The following TENM4 variants were observed in gnomAD, a reference collection of about 807,000 sequenced individuals.
TENM4 encodes teneurin-4.
In TENM4, 82 loss-of-function variants were observed where a neutral mutation model predicts 243.3. That is an observed-to-expected ratio of 0.34 (90% CI 0.28 to 0.40). The LOEUF (loss-of-function observed/expected upper bound fraction) is 0.40. Ranked by LOEUF, TENM4 falls within the 10% of genes least tolerant of loss-of-function variation. The pLI is 1.00. For synonymous variants in TENM4, 1,412 were observed against 1,456.3 expected, an observed-to-expected ratio of 0.97 and a Z score of 0.69; for missense variants, 3,138 against 3,673.3, an observed-to-expected ratio of 0.85 and a Z score of 3.77.
At chr11:79,313,158 A>G (rs991829842) in intron 1 of TENM4, among the ~76,000 whole-genome samples, 5 of 152,222 alleles carry the variant, frequency 3.3e-5, no homozygotes, top group African/African-American at 1.2e-4. Flanking sequence ...CAGGCATGCA[A>G]CATTCACTTT....
At chr11:79,079,177 AG>A (rs1342450105) in intron 4 of TENM4, among the ~76,000 whole-genome samples, 1 of 152,226 alleles carries the variant, frequency 6.6e-6, no homozygotes, top group Non-Finnish European at 1.5e-5. Flanking sequence ...GCCTGGCTAC[AG>A]GGACATCCCT....
At chr11:79,386,943 G>A (rs1858127537) in intron 1 of TENM4, among the ~76,000 whole-genome samples, 1 of 152,088 alleles carries the variant, frequency 6.6e-6, no homozygotes, top group African/African-American at 2.4e-5. Flanking sequence ...CAAAAGACAT[G>A]CATAAGAATG....
At chr11:79,317,405 C>T (rs1215219680) in intron 1 of TENM4, among the ~76,000 whole-genome samples, 1 of 152,106 alleles carries the variant, frequency 6.6e-6, no homozygotes, top group Non-Finnish European at 1.5e-5. Flanking sequence ...GGGGTCAGGG[C>T]GCAGACAGGC....
chr11:78,932,354 C>A (rs1403035617), intron 6 of TENM4, among the ~76,000 whole-genome samples: 1 of 152,202 alleles, frequency 6.6e-6, no homozygotes, highest in Non-Finnish European at 1.5e-5. Flanking sequence ...CAGGGGACAG[C>A]AGATACAGGT....
intron 2 of TENM4, among the ~76,000 whole-genome samples, chr11:79,227,493 A>G (rs1864294055): frequency 6.6e-6 from 1 of 152,212 alleles, no homozygotes; most frequent in African/African-American, 2.4e-5. Flanking sequence ...CAGGACAGTG[A>G]ATATGCAAAG....
At chr11:79,384,166 G>A (rs1478418893) in intron 1 of TENM4, among the ~76,000 whole-genome samples, 2 of 152,220 alleles carry the variant, frequency 1.3e-5, no homozygotes, top group African/African-American at 2.4e-5. Context: ...GCTTGTGGAG[G>A]AATGAATAGA....
intron 1 of TENM4, among the ~76,000 whole-genome samples, chr11:79,409,955 T>G (rs147342643): frequency 2.8e-4 from 43 of 152,310 alleles, no homozygotes; most frequent in African/African-American, 1.0e-3. Context: ...TACAGGGGTA[T>G]CCAATCTTTT....
chr11:78,801,657 A>G (rs1857284984), intron 15 of TENM4, among the ~76,000 whole-genome samples: 3 of 152,218 alleles, frequency 2.0e-5, no homozygotes, highest in Admixed American at 2.0e-4. Context: ...GGTGCCAAAC[A>G]GCAAGACACT....
intron 6 of TENM4, among the ~76,000 whole-genome samples, chr11:78,944,909 T>A (rs1470926283): frequency 6.6e-6 from 1 of 152,176 alleles, no homozygotes; most frequent in Admixed American, 6.5e-5. Flanking sequence ...TGAATTGAGG[T>A]CTGTCTGACT....
intron 4 of TENM4, among the ~76,000 whole-genome samples, chr11:79,102,445 T>C (rs898783041): frequency 7.2e-5 from 11 of 152,140 alleles, no homozygotes; most frequent in South Asian, 2.1e-4. Flanking sequence ...TATAAGAATA[T>C]ACTCTGGCTC....
At chr11:79,185,323 C>T (rs1863361941) in intron 3 of TENM4, among the ~76,000 whole-genome samples, 1 of 151,974 alleles carries the variant, frequency 6.6e-6, no homozygotes, top group Admixed American at 6.6e-5. Flanking sequence ...ACAACAACAA[C>T]AACAACAAAA....
intron 2 of TENM4, 33 bp from the exon 3 acceptor site, chr11:79,215,942 TGA>T: frequency 2.4e-6 from 2 of 849,670 alleles, no homozygotes; most frequent in Non-Finnish European, 2.8e-6. Flanking sequence ...TCCAACTGAG[TGA>T]GGTGGCAAGA....
At chr11:79,068,057 C>T (rs1860310016) in intron 5 of TENM4, 1 of 152,264 alleles carries the variant, frequency 6.6e-6, no homozygotes, top group Non-Finnish European at 1.5e-5. Context: ...CCCTGAGCCT[C>T]ATGTGCTAGG....
intron 6 of TENM4, among the ~76,000 whole-genome samples, chr11:79,039,450 G>A (rs1859464856): frequency 5.9e-5 from 9 of 152,180 alleles, no homozygotes. Flanking sequence ...TAGGCTCTGT[G>A]GGCAAGAAGA....
intron 6 of TENM4, among the ~76,000 whole-genome samples, chr11:79,030,006 G>A (rs1381553982): frequency 6.6e-6 from 1 of 152,098 alleles, no homozygotes; most frequent in Non-Finnish European, 1.5e-5. Flanking sequence ...AGGATCTAGG[G>A]AAAGGTAATA....
intron 6 of TENM4, among the ~76,000 whole-genome samples, chr11:78,969,309 A>G (rs948423194): frequency 3.3e-5 from 5 of 152,266 alleles, no homozygotes; most frequent in African/African-American, 1.2e-4. Flanking sequence ...TAAAGAGAAC[A>G]TAGGACAAGG....
At chr11:78,976,492 A>G (rs1313212959) in intron 6 of TENM4, among the ~76,000 whole-genome samples, 2 of 152,254 alleles carry the variant, frequency 1.3e-5, no homozygotes, top group Admixed American at 6.5e-5. Context: ...GCTTTTCCCC[A>G]GTAAATGCCC....
intron 2 of TENM4, among the ~76,000 whole-genome samples, chr11:79,284,996 T>C (rs188655710): frequency 6.6e-6 from 1 of 152,140 alleles, no homozygotes; most frequent in Admixed American, 6.5e-5. Context: ...CCAGCATACT[T>C]TGGGAGGCAG....
chr11:79,119,568 C>T (rs1200091756), intron 4 of TENM4, among the ~76,000 whole-genome samples: 5 of 152,198 alleles, frequency 3.3e-5, no homozygotes, highest in African/African-American at 1.2e-4. Context: ...AGGCATCAGC[C>T]AGGCGCCTGC....
Sources: gnomAD v4.1 joint callset for allele counts (sites outside exome capture counted in the v4.1 genomes callset) on GRCh38, gnomAD v4.1.1 for gene constraint, MANE v1.5 for transcripts, NCBI Gene and HGNC (gene_info 2026-07-23, HGNC 2026-07-21) for gene names.